CASK: variants seen among roughly 807,000 people sequenced by gnomAD.
The protein encoded by CASK is calcium/calmodulin dependent serine protein kinase, also known as peripheral plasma membrane protein CASK.
CASK carries 4 observed loss-of-function variants against 82.9 expected under a neutral mutation model. That is an observed-to-expected ratio of 0.05 (90% CI 0.02 to 0.11). CASK has a LOEUF of 0.11. CASK is among the 10% of genes least tolerant of loss of function. The probability of loss-of-function intolerance (pLI) is 1.00; values close to 1 mark genes in which losing one functional copy is unlikely to be tolerated. For synonymous variants in CASK, 259 were observed against 253.5 expected (o/e 1.02, Z -0.20); for missense variants, 358 against 720.9 (o/e 0.50, Z 5.76).
At chrX:41,611,182 A>G (rs1274586183) in intron 11 of CASK, among the ~76,000 whole-genome samples, 1 of 111,928 alleles carries the variant, frequency 8.9e-6, no homozygotes, top group Non-Finnish European at 1.9e-5. Flanking sequence ...CCAAAATGTC[A>G]GTAGTGCTGT....
intron 9 of CASK, among the ~76,000 whole-genome samples, chrX:41,627,842 A>C (rs2066405285): frequency 9.0e-6 from 1 of 111,563 alleles, no homozygotes; most frequent in Non-Finnish European, 1.9e-5. Flanking sequence ...GTCTCTACTA[A>C]AAATACAGAA....
At chrX:41,537,230 T>C (rs2064886064) in intron 22 of CASK, among the ~76,000 whole-genome samples, 1 of 111,764 alleles carries the variant, frequency 8.9e-6, no homozygotes, top group African/African-American at 3.3e-5. Context: ...ATCTTAACCA[T>C]AAATGAGCAG....
At chrX:41,609,553 C>CT (rs564178433) in intron 12 of CASK, among the ~76,000 whole-genome samples, 89 of 97,437 alleles carry the variant, frequency 9.1e-4, no homozygotes, top group Middle Eastern at 5.3e-3. Context: ...TATTCAATTT[C>CT]TTTTTTTTTT....
At chrX:41,901,811 T>C (rs758170716) in intron 1 of CASK, among the ~76,000 whole-genome samples, 1 of 112,097 alleles carries the variant, frequency 8.9e-6, no homozygotes, top group East Asian at 2.8e-4. Context: ...GGGGCCAGTG[T>C]GAATCCTGGG....
At chrX:41,521,488 C>T (rs2064636430) in intron 26 of CASK, among the ~76,000 whole-genome samples, 1 of 112,259 alleles carries the variant, frequency 8.9e-6, no homozygotes, top group East Asian at 2.8e-4. Flanking sequence ...TTTAAGAACT[C>T]TTGTAAGAGG....
intron 8 of CASK, among the ~76,000 whole-genome samples, chrX:41,648,185 G>C (rs1245559916): frequency 9.0e-6 from 1 of 111,011 alleles, no homozygotes; most frequent in Non-Finnish European, 1.9e-5. Context: ...ACCCCGAGGC[G>C]TACCTGTCTC....
At chrX:41,663,474 T>C (rs962798835) in intron 7 of CASK, among the ~76,000 whole-genome samples, 51 of 112,547 alleles carry the variant, frequency 4.5e-4, no homozygotes, top group African/African-American at 1.5e-3. Flanking sequence ...TCTGACTTAC[T>C]ATAATACTAG....
chrX:41,638,145 G>C (rs948897183), intron 8 of CASK, among the ~76,000 whole-genome samples: 1 of 112,077 alleles, frequency 8.9e-6, no homozygotes, highest in African/African-American at 3.2e-5. Context: ...CCCTCATGTA[G>C]ATCATATTCT....
intron 8 of CASK, among the ~76,000 whole-genome samples, chrX:41,659,882 C>T (rs776507218): frequency 1.8e-5 from 2 of 108,975 alleles, no homozygotes; most frequent in African/African-American, 3.4e-5. Flanking sequence ...TGCCTGTGCT[C>T]CCAGCTACTG....
chrX:41,631,151 ATATAGT>A (rs1464562196), intron 9 of CASK, among the ~76,000 whole-genome samples: 1 of 112,193 alleles, frequency 8.9e-6, no homozygotes, highest in African/African-American at 3.2e-5. Context: ...AGTGTACTAG[ATATAGT>A]TATATTTAAG....
intron 12 of CASK, among the ~76,000 whole-genome samples, chrX:41,609,047 A>T (rs2065999781): frequency 1.8e-5 from 2 of 112,232 alleles, no homozygotes; most frequent in African/African-American, 6.5e-5. Context: ...AAATATAAAG[A>T]TATATAAATT....
chrX:41,863,727 T>C (rs756098358), intron 1 of CASK, among the ~76,000 whole-genome samples: 1 of 112,329 alleles, frequency 8.9e-6, no homozygotes, highest in East Asian at 2.8e-4. Flanking sequence ...TTGACCTTTT[T>C]CTCCTCCTCT....
intron 2 of CASK, among the ~76,000 whole-genome samples, chrX:41,808,410 G>T (rs1396179421): frequency 2.7e-5 from 3 of 111,710 alleles, no homozygotes; most frequent in Non-Finnish European, 5.6e-5. Flanking sequence ...CTTTATAATA[G>T]GATTATAATG....
At chrX:41,727,496 T>A (rs1292848823) in intron 5 of CASK, 1 of 1,209,318 alleles carries the variant, frequency 8.3e-7, no homozygotes, top group Non-Finnish European at 1.1e-6. Flanking sequence ...AAACTATGCA[T>A]TTACATATGG....
At chrX:41,912,305 T>G in intron 1 of CASK, among the ~76,000 whole-genome samples, 1 of 94,117 alleles carries the variant, frequency 1.1e-5, no homozygotes, top group South Asian at 5.5e-4. Context: ...TTTCTGTTTT[T>G]TTTTTTTTTT....
At chrX:41,669,045 A>C (rs1035077994) in intron 6 of CASK, among the ~76,000 whole-genome samples, 3 of 111,866 alleles carry the variant, frequency 2.7e-5, no homozygotes, top group African/African-American at 6.5e-5. Context: ...AAATTTCAAA[A>C]GTACCTTAAA....
At chrX:41,640,980 T>TC (rs2066640990) in intron 8 of CASK, among the ~76,000 whole-genome samples, 1 of 90,121 alleles carries the variant, frequency 1.1e-5, no homozygotes, top group Non-Finnish European at 2.2e-5. Flanking sequence ...ATCTCGTCTT[T>TC]TTTTTTTTTT....
At chrX:41,798,586 G>C (rs1192339576) in intron 2 of CASK, among the ~76,000 whole-genome samples, 3 of 112,781 alleles carry the variant, frequency 2.7e-5, no homozygotes, top group East Asian at 5.5e-4. Flanking sequence ...TGTAATCCCA[G>C]CACTTTGGGA....
intron 8 of CASK, among the ~76,000 whole-genome samples, chrX:41,651,100 A>C (rs1461755182): frequency 3.6e-5 from 4 of 112,385 alleles, no homozygotes; most frequent in African/African-American, 9.7e-5. Context: ...CGAGAACTAT[A>C]ATCATTGGCA....
Sources: allele counts gnomAD v4.1 joint callset (sites outside exome capture counted in the v4.1 genomes callset), GRCh38; gene constraint gnomAD v4.1.1; transcripts MANE v1.5; gene names NCBI Gene and HGNC (gene_info 2026-07-23, HGNC 2026-07-21).